AKAP1: variants seen among roughly 807,000 people sequenced by gnomAD.
AKAP1 encodes the protein A-kinase anchoring protein 1, also known as A-kinase anchor protein 1, mitochondrial.
AKAP1 carries 32 observed loss-of-function variants against 79.8 expected under a neutral mutation model. The observed-to-expected ratio is 0.40, with a 90% CI of 0.30 to 0.54. The LOEUF (loss-of-function observed/expected upper bound fraction) is 0.54, where lower values mean the gene tolerates loss of function less well. Among genes scored for constraint, AKAP1 ranks in the 20% least tolerant of loss-of-function variants. The pLI, the probability that AKAP1 is intolerant of heterozygous loss-of-function variation, is 0.47. For missense variants in AKAP1, 961 were observed against 1,138.9 expected, an observed-to-expected ratio of 0.84 and a Z score of 2.25; for synonymous variants, 416 against 466.7, an observed-to-expected ratio of 0.89 and a Z score of 1.40.
Position 57,120,780 on chromosome 17 carries a change from A to G in AKAP1, c.*456A>G, listed in dbSNP as rs1915880184. 6.4e-6 allele frequency: 1 copy of G among 155,694 alleles called. No homozygotes were observed. Among genetic ancestry groups the G allele is most frequent in the Admixed American group, 6.3e-5 (1 of 15,812 alleles). 9.6% of individuals were successfully genotyped at this position (155,694 alleles called of 1,614,324 possible). On this transcript the variant is annotated 3_prime_UTR_variant, in exon 11 of 11. Coordinates refer to ENST00000337714, the MANE Select transcript of AKAP1 (RefSeq NM_003488.4). Reference sequence around the variant, plus strand: ...GCAAGACATGAACTGACTAATTGGTATCCACTACTTGTACAGCTTACATAA... The same window carrying G: ...GCAAGACATGAACTGACTAATTGGTGTCCACTACTTGTACAGCTTACATAA...
In AKAP1 at chr17:57,106,995, T is replaced by G; in HGVS notation, c.1531T>G (p.Phe511Val). 3.1e-6 allele frequency: 5 copies of G among 1,614,144 alleles called. No homozygotes were observed. In the South Asian group the frequency reaches 5.5e-5, roughly 18 times the overall value. The stretch of plus-strand genomic sequence containing the variant: ...TTCTCCAGGACACTGCTCAGATTCT[T>G]TCAGCACTTCAGGGCTTGAAGACTC... Reference protein sequence around the residue: ...VASPGHCSDSFSTSGLEDSCT... With the variant: ...VASPGHCSDSVSTSGLEDSCT... Residue 511 changes from phenylalanine to valine, a missense_variant, in exon 2 of 11, where the codon TTC becomes GTC. This residue lies in a region of AKAP1 where 629 missense variants were observed against 781.1 expected (regional missense o/e 0.81). Transcript: ENST00000337714.
chr17:57,114,073 C>T (rs1479737071), intron 5 of AKAP1, among the ~76,000 whole-genome samples: 1 of 152,144 alleles, frequency 6.6e-6, no homozygotes. Context: ...GTGTTGCCCT[C>T]CCTGGGTCTT....
At chr17:57,092,030 A>G (rs952933975) in intron 1 of AKAP1, 22 of 152,302 alleles carry the variant, frequency 1.4e-4, no homozygotes, top group African/African-American at 4.8e-4. Flanking sequence ...CCCAGCCTAA[A>G]GGCTGGCCAC....
chr17:57,109,986 G>T, intron 2 of AKAP1, 39 bp from the exon 3 acceptor site: 2 of 1,608,546 alleles, frequency 1.2e-6, no homozygotes, highest in Non-Finnish European at 1.7e-6. Flanking sequence ...TCTGAGTGGG[G>T]TCTGTGTGTG....
Position 57,112,525 on chromosome 17 carries a change from G to T in AKAP1, c.2010G>T (p.Leu670Phe). 1 of 1,614,166 alleles carries T rather than the reference G, an allele frequency of 6.2e-7. No homozygotes were observed. Among genetic ancestry groups the T allele is most frequent in the Non-Finnish European group, 8.5e-7 (1 of 1,180,024 alleles). Residue 670 changes from leucine (L) to phenylalanine (F), a missense_variant, in exon 5 of 11, where the codon TTG (leucine) becomes TTT (phenylalanine). Around this residue, in one of 3 missense-constraint regions of AKAP1, gnomAD observed 629 missense variants for 781.1 expected, o/e 0.81. Coordinates refer to ENST00000337714, the MANE Select transcript of AKAP1 (RefSeq NM_003488.4). The stretch of plus-strand genomic sequence containing the variant: ...ATCATGTAGACAAAGCGCTGAACTT[G>T]ATTGGGAAGAAGTTCAAAGAGCTGA... ...SQHHVDKALN[L>F]IGKKFKELNL...
chr17:57,110,756 T>G (rs1915193068), intron 3 of AKAP1, among the ~76,000 whole-genome samples: 1 of 152,256 alleles, frequency 6.6e-6, no homozygotes, highest in Non-Finnish European at 1.5e-5. Flanking sequence ...CGTGTGTTAT[T>G]CTTTGAAAAT....
chr17:57,109,554 G>A (rs2144737254), intron 2 of AKAP1, among the ~76,000 whole-genome samples: 1 of 152,356 alleles, frequency 6.6e-6, no homozygotes, highest in South Asian at 2.1e-4. Flanking sequence ...CAGTACCTAT[G>A]ACCCTGGGAC....
At chr17:57,113,597 T>C (rs1040822858) in intron 5 of AKAP1, among the ~76,000 whole-genome samples, 2 of 126,478 alleles carry the variant, frequency 1.6e-5, no homozygotes, top group Non-Finnish European at 3.3e-5. Context: ...TCACTCTCTT[T>C]TTTTTTTTTT....
Position 57,086,569 on chromosome 17 carries a change from G to A in AKAP1, c.-25+1171G>A. The A allele has an allele frequency of 2.5e-6, 1 of 396,550 alleles. No homozygotes were observed. The highest frequency in any genetic ancestry group is 3.2e-5 in the Admixed American group (1 of 31,592). The allele number at this position is 396,550 out of a possible 1,614,324, so 24.6% of individuals were successfully genotyped here. A position where few individuals can be genotyped will look rare whatever the true frequency, so the allele number is the denominator to read the frequency against. Reference sequence around the variant, plus strand: ...GTCGAGGCCTCTCAAGCTGGGTAGGGTGTATGCGCAGGGCAATTAGTGAGG... The same window carrying A: ...GTCGAGGCCTCTCAAGCTGGGTAGGATGTATGCGCAGGGCAATTAGTGAGG... On this transcript the variant is annotated intron_variant, in intron 1 of 10. Coordinates refer to ENST00000337714, the MANE Select transcript of AKAP1 (RefSeq NM_003488.4). This position sits in a 1 kb window ranked among gnomAD's most constrained non-coding sequence, Gnocchi z 5.1.
In AKAP1 at chr17:57,105,921, A is replaced by C. The variant is rs1914824568; in HGVS notation, c.457A>C (p.Lys153Gln). The change falls in exon 2 of 11, where the codon AAG (lysine) becomes CAG (glutamine). Residue 153 changes from lysine (K) to glutamine (Q), a missense_variant. By Grantham distance (53) the Lys-to-Gln change is moderately conservative. Around this residue, in one of 3 missense-constraint regions of AKAP1, gnomAD observed 224 missense variants for 210.2 expected, o/e 1.07. Transcript: ENST00000337714. ...IPLECPLSSPKGVLFSSKSAE... is the reference protein window; with the variant it reads ...IPLECPLSSPQGVLFSSKSAE... ...TCTAGAGTGCCCCCTTTCATCCCCAAAGGGTGTACTATTCTCCAGCAAATC... is the reference window on the plus strand; with the variant it reads ...TCTAGAGTGCCCCCTTTCATCCCCACAGGGTGTACTATTCTCCAGCAAATC... 6.2e-7 allele frequency: 1 copy of C among 1,614,046 alleles called. No individual in the cohort carries two copies. Among genetic ancestry groups the C allele is most frequent in the African/African-American group, 1.3e-5 (1 of 74,930 alleles).
In AKAP1 at chr17:57,086,323, C is replaced by T. The variant is rs1174614442; in HGVS notation, c.-25+925C>T. ...GATGCCTCGAACGCGGGCTTTCTGG[C>T]GTTCAACTCTTTTGTGCCCTAGCTG... is the stretch of plus-strand genomic sequence containing the variant. On this transcript the variant is annotated intron_variant, in intron 1 of 10. Transcript: ENST00000337714. The surrounding 1 kb of genome is among the most constrained non-coding windows in gnomAD (Gnocchi z 5.1). 2.4e-6 allele frequency: 1 copy of T among 415,544 alleles called. No homozygotes were observed. Among genetic ancestry groups the T allele is most frequent in the Non-Finnish European group, 4.8e-6 (1 of 208,806 alleles). 25.7% of individuals were successfully genotyped at this position (415,544 alleles called of 1,614,324 possible). A position where few individuals can be genotyped will look rare whatever the true frequency, so the allele number is the denominator to read the frequency against.
At chr17:57,091,857 T>A (rs1488939708) in intron 1 of AKAP1, among the ~76,000 whole-genome samples, 2 of 152,026 alleles carry the variant, frequency 1.3e-5, no homozygotes, top group East Asian at 1.9e-4. Context: ...CCTGGCTAGT[T>A]AAAAAAATTT....
intron 1 of AKAP1, among the ~76,000 whole-genome samples, chr17:57,090,405 A>G (rs533931104): frequency 7.6e-4 from 116 of 152,208 alleles, no homozygotes; most frequent in South Asian, 2.1e-3. Flanking sequence ...AGATCCGAGT[A>G]GAGTAAACTG....
intron 2 of AKAP1, among the ~76,000 whole-genome samples, chr17:57,108,252 T>C (rs1239126525): frequency 6.6e-6 from 1 of 152,162 alleles, no homozygotes; most frequent in Non-Finnish European, 1.5e-5. Flanking sequence ...ACACGCTACA[T>C]TTTGTCACCT....
Position 57,106,352 on chromosome 17 carries a change from G to A in AKAP1, c.888G>A (p.Gln296=). 1 of 1,614,100 alleles carries A rather than the reference G, an allele frequency of 6.2e-7. No individual in the cohort carries two copies. The highest frequency in any genetic ancestry group is 8.5e-7 in the Non-Finnish European group (1 of 1,180,020). The change falls in exon 2 of 11, where the codon CAG becomes CAA. Residue 296 remains glutamine (Q), a synonymous_variant. Coordinates refer to ENST00000337714, the MANE Select transcript of AKAP1 (RefSeq NM_003488.4). The part of the protein sequence containing the change: ...PAPPVADAKA[Q]DRGVEGELGN... The stretch of plus-strand genomic sequence containing the variant: ...CCCCAGTCGCAGACGCCAAAGCCCA[G>A]GATAGAGGTGTCGAGGGAGAACTGG...
intron 6 of AKAP1, 103 bp downstream of exon 6, chr17:57,114,739 C>T (rs2144768060): frequency 8.0e-7 from 1 of 1,248,058 alleles, no homozygotes. Context: ...TTCATGGAAG[C>T]AGCATCCTTC....
chr17:57,099,447 C>T (rs147731066), intron 1 of AKAP1, among the ~76,000 whole-genome samples: 103 of 152,144 alleles, frequency 6.8e-4, no homozygotes, highest in African/African-American at 9.4e-4. Context: ...GTCCAGAGTG[C>T]GGGGTGAAGG....
At chr17:57,115,959 C>A in intron 6 of AKAP1, 152 bp from the exon 7 acceptor site, 1 of 916,952 alleles carries the variant, frequency 1.1e-6, no homozygotes. Flanking sequence ...TTGGGGGAGG[C>A]TTTGCTTGGG....
At position 57,105,739 on chromosome 17, in the gene AKAP1, C is replaced by A. The variant is rs1767603194; in HGVS notation, c.275C>A (p.Pro92His). 2 of 1,614,030 alleles carry A rather than the reference C, an allele frequency of 1.2e-6. No individual in the cohort carries two copies. The highest frequency in any genetic ancestry group is 3.3e-5 in the Admixed American group (2 of 60,000). ...LSTVSKLPAE[P>H]PALLQTHPPC... ...ACCGTGAGCAAGCTGCCTGCAGAGC[C>A]CCCAGCATTGCTCCAGACACACCCA... The change falls in exon 2 of 11, where the codon CCC becomes CAC. Residue 92 changes from proline to histidine, a missense_variant. Pro to His is a moderately conservative substitution (Grantham distance 77, BLOSUM62 -2). Transcript: ENST00000337714.
Sources: gnomAD v4.1 joint callset for allele counts (sites outside exome capture counted in the v4.1 genomes callset) on GRCh38, gnomAD v4.1.1 for gene constraint, gnomAD v4.1.1 regional missense constraint, Gnocchi (gnomAD v3.1) non-coding constraint, MANE v1.5 for transcripts, NCBI Gene and HGNC (gene_info 2026-07-23, HGNC 2026-07-21) for gene names.